Variants in GNB4 observed in about 807,000 individuals in gnomAD.
GNB4 encodes G protein subunit beta 4, also known as guanine nucleotide-binding protein subunit beta-4.
GNB4 carries 28 observed loss-of-function variants against 45.2 expected under a neutral mutation model. The ratio of observed to expected loss-of-function variants is 0.62; its 90% CI spans 0.46 to 0.85. The LOEUF is 0.85. GNB4 is among the 40% of genes least tolerant of loss of function. The pLI is 0.00. For synonymous variants in GNB4, 132 were observed against 143.7 expected, an observed-to-expected ratio of 0.92 and a Z score of 0.58; for missense variants, 321 against 425.4, an observed-to-expected ratio of 0.75 and a Z score of 2.16.
the GNB4 span, among the ~76,000 whole-genome samples, chr3:179,459,009 A>G: frequency 6.6e-6 from 1 of 152,204 alleles, no homozygotes; most frequent in Admixed American, 6.5e-5. Flanking sequence ...ACTTCACATT[A>G]ATTAACCTCA....
the GNB4 span, among the ~76,000 whole-genome samples, chr3:179,503,279 G>A: frequency 6.6e-6 from 1 of 152,248 alleles, no homozygotes; most frequent in African/African-American, 2.4e-5. Flanking sequence ...AACTTACTTT[G>A]AAGTACAAAA....
At chr3:179,521,101 C>T in the GNB4 span, among the ~76,000 whole-genome samples, 2 of 152,108 alleles carry the variant, frequency 1.3e-5, no homozygotes, top group African/African-American at 2.4e-5. Flanking sequence ...TCACATGCCC[C>T]AAGTCAGAAA....
At chr3:179,509,933 C>T in the GNB4 span, among the ~76,000 whole-genome samples, 1 of 152,124 alleles carries the variant, frequency 6.6e-6, no homozygotes, top group Non-Finnish European at 1.5e-5. Flanking sequence ...AAGTGATCCT[C>T]CCACCTCAGC....
At chr3:179,429,087 A>G (rs13320472) in intron 1 of GNB4, among the ~76,000 whole-genome samples, 8,151 of 152,312 alleles carry the variant, frequency 0.054, 659 homozygotes, top group African/African-American at 0.18. Flanking sequence ...CTTCCTGCAC[A>G]TTCTGGCTGG....
chr3:179,447,388 G>T (rs960484991), intron 1 of GNB4, among the ~76,000 whole-genome samples: 1 of 150,694 alleles, frequency 6.6e-6, no homozygotes, highest in Admixed American at 6.6e-5. Flanking sequence ...TTTCAGATGG[G>T]GTCTCACTCT....
the GNB4 span, among the ~76,000 whole-genome samples, chr3:179,515,878 A>T: frequency 6.6e-6 from 1 of 152,134 alleles, no homozygotes; most frequent in Non-Finnish European, 1.5e-5. Context: ...ATATTTTGTG[A>T]TAAGGGGTGA....
At chr3:179,440,880 T>TAGATAGAGAGAGAGAG (rs1553769655) in intron 1 of GNB4, among the ~76,000 whole-genome samples, 1 of 149,032 alleles carries the variant, frequency 6.7e-6, no homozygotes, top group African/African-American at 2.5e-5. Context: ...TATAGATAGA[T>TAGATAGAGAGAGAGAG]AGAGAGAGAG....
rs545232262 is a variant in GNB4 at position 179,398,252 on chromosome 3, C to G, written c.*2961G>C. On this transcript the variant is annotated 3_prime_UTR_variant, in exon 10 of 10. Transcript: ENST00000232564. Reference sequence around the variant, plus strand: ...AAACCTGGCTGGGCACGGTGGCTCACGTCTGTAATCCCAGCACTTTGGGAG... The same window carrying G: ...AAACCTGGCTGGGCACGGTGGCTCAGGTCTGTAATCCCAGCACTTTGGGAG... The G allele has an allele frequency of 6.6e-6, 1 of 151,956 alleles. No individual in the cohort carries two copies. 9.4% of individuals were successfully genotyped at this position (151,956 alleles called of 1,614,324 possible).
At chr3:179,442,053 T>C (rs1715609936) in intron 1 of GNB4, among the ~76,000 whole-genome samples, 1 of 151,898 alleles carries the variant, frequency 6.6e-6, no homozygotes, top group Non-Finnish European at 1.5e-5. Context: ...GTGATCCACA[T>C]GTCTCGGCCT....
At chr3:179,420,021 AG>A (rs1242518338) in intron 3 of GNB4, among the ~76,000 whole-genome samples, 1 of 151,938 alleles carries the variant, frequency 6.6e-6, no homozygotes, top group African/African-American at 2.4e-5. Flanking sequence ...AGTTTTCATA[AG>A]GAAAAAAACA....
At position 179,398,118 on chromosome 3, in the gene GNB4, A is replaced by C. The variant is rs1196541049; in HGVS notation, c.*3095T>G. On this transcript the variant is annotated 3_prime_UTR_variant, in exon 10 of 10. Transcript: ENST00000232564. ...TTAGAAAAGAATATGTATCTCTAAAATATTCTTGCCAGATCTCAAAAAACT... is the reference window on the plus strand; with the variant it reads ...TTAGAAAAGAATATGTATCTCTAAACTATTCTTGCCAGATCTCAAAAAACT... 6.6e-6 allele frequency: 1 copy of C among 152,200 alleles called. No individual in the cohort carries two copies. The highest frequency in any genetic ancestry group is 2.4e-5 in the African/African-American group (1 of 41,436). 9.4% of individuals were successfully genotyped at this position (152,200 alleles called of 1,614,324 possible).
At chr3:179,504,633 A>T in the GNB4 span, among the ~76,000 whole-genome samples, 1 of 152,208 alleles carries the variant, frequency 6.6e-6, no homozygotes, top group Non-Finnish European at 1.5e-5. Context: ...ACAGAGACTA[A>T]CTTGCTCCCA....
At chr3:179,443,520 CTGAG>C (rs1299384280) in intron 1 of GNB4, among the ~76,000 whole-genome samples, 14 of 152,166 alleles carry the variant, frequency 9.2e-5, no homozygotes, top group Admixed American at 8.5e-4. Context: ...GCCTGGGTGA[CTGAG>C]TGAGACGTCT....
chr3:179,415,394 G>C (rs968910377), intron 5 of GNB4, among the ~76,000 whole-genome samples: 2 of 152,158 alleles, frequency 1.3e-5, no homozygotes, highest in African/African-American at 4.8e-5. Context: ...TTTCACTTTT[G>C]TAATAGTGCT....
chr3:179,491,581 G>A, the GNB4 span, among the ~76,000 whole-genome samples: 1 of 152,150 alleles, frequency 6.6e-6, no homozygotes, highest in Non-Finnish European at 1.5e-5. Flanking sequence ...CTGGTATAGA[G>A]GCCATACCAT....
At chr3:179,454,397 A>C (rs901918910), upstream of GNB4, among the ~76,000 whole-genome samples, 1 of 152,240 alleles carries the variant, frequency 6.6e-6, no homozygotes, top group African/African-American at 2.4e-5. Context: ...AATAACCTGC[A>C]TACCTCACCC....
At position 179,401,875 on chromosome 3, in the gene GNB4, A is replaced by T. The variant is rs545134965; in HGVS notation, c.917-556T>A. ...TGGTTATAACTTTCTGAAACCATGA[A>T]ACTCATCTAGTTTTCATTTCTTTCA... On this transcript the variant is annotated intron_variant, in intron 9 of 9. Coordinates refer to ENST00000232564, the MANE Select transcript of GNB4 (RefSeq NM_021629.4). 3.9e-5 allele frequency among the ~76,000 whole-genome samples: 6 copies of T among 152,312 alleles called. No homozygotes were observed. In the South Asian group the frequency reaches 6.2e-4, roughly 16 times the overall value.
the GNB4 span, among the ~76,000 whole-genome samples, chr3:179,525,712 G>A: frequency 1.3e-5 from 2 of 152,226 alleles, no homozygotes; most frequent in African/African-American, 2.4e-5. Flanking sequence ...GATAAAATGT[G>A]TCTCCTTTGT....
the GNB4 span, among the ~76,000 whole-genome samples, chr3:179,512,817 G>A: frequency 6.6e-6 from 1 of 152,278 alleles, no homozygotes; most frequent in African/African-American, 2.4e-5. Context: ...ATGTACGTGT[G>A]TGTGTGAATT....
Sources: gnomAD v4.1 joint callset for allele counts (sites outside exome capture counted in the v4.1 genomes callset) on GRCh38, gnomAD v4.1.1 for gene constraint, MANE v1.5 for transcripts, NCBI Gene and HGNC (gene_info 2026-07-23, HGNC 2026-07-21) for gene names.